Variants in SCARA5 observed in about 807,000 individuals in gnomAD.
The protein encoded by SCARA5 is scavenger receptor class A, member 5 (putative).
Under a neutral mutation model 46.3 loss-of-function variants are expected in SCARA5, and 45 were observed. The ratio of observed to expected loss-of-function variants is 0.97; its 90% CI spans 0.76 to 1.24. SCARA5 has a LOEUF of 1.24. Among genes scored for constraint, SCARA5 ranks in the 50% most tolerant of loss-of-function variants. The pLI is 0.00. For synonymous variants in SCARA5, 333 were observed against 306.5 expected, an observed-to-expected ratio of 1.09 and a Z score of -0.90; for missense variants, 680 against 689.0, an observed-to-expected ratio of 0.99 and a Z score of 0.15.
intron 7 of SCARA5, among the ~76,000 whole-genome samples, chr8:27,898,507 G>A (rs929593408): frequency 2.0e-5 from 3 of 152,226 alleles, no homozygotes; most frequent in Admixed American, 2.0e-4. Context: ...GATATAATAA[G>A]AAGTATTTGG....
Position 27,921,719 on chromosome 8 carries a change from G to A in SCARA5, c.768C>T (p.Ser256=), listed in dbSNP as rs749809667. The change falls in exon 4 of 9, where the codon AGC becomes AGT. Residue 256 remains serine (S), a synonymous_variant. Transcript: ENST00000354914. Reference sequence around the variant, plus strand: ...CCAGGCGCAGGCGGCGCGTGTCCTCGCTGGCGTTGCTCACCAGCACCCGCA... The same window carrying A: ...CCAGGCGCAGGCGGCGCGTGTCCTCACTGGCGTTGCTCACCAGCACCCGCA... The part of the protein sequence containing the change: ...QDLRVLVSNA[S]EDTRRLRLAH... 7 of 1,593,902 alleles carry A rather than the reference G, an allele frequency of 4.4e-6. No individual in the cohort carries two copies. The highest frequency in any genetic ancestry group is 1.3e-5 in the African/African-American group (1 of 74,668).
At chr8:27,951,793 C>A (rs1475129627) in intron 3 of SCARA5, among the ~76,000 whole-genome samples, 2 of 152,200 alleles carry the variant, frequency 1.3e-5, no homozygotes, top group Non-Finnish European at 2.9e-5. Context: ...TTCCTTTCAA[C>A]ATTTTTCACG....
chr8:27,953,321 C>T (rs1018565966), intron 3 of SCARA5, among the ~76,000 whole-genome samples: 7 of 152,218 alleles, frequency 4.6e-5, no homozygotes, highest in Admixed American at 3.9e-4. Flanking sequence ...GGTGGGCCAC[C>T]CACTGGGGCC....
Position 27,870,788 on chromosome 8 carries a change from C to T in SCARA5, c.*1146G>A, listed in dbSNP as rs1421292250. 1 of 152,242 alleles carries T rather than the reference C, an allele frequency of 6.6e-6. No homozygotes were observed. The highest frequency in any genetic ancestry group is 2.4e-5 in the African/African-American group (1 of 41,458). The allele number at this position is 152,242 out of a possible 1,614,324, so 9.4% of individuals were successfully genotyped here. On this transcript the variant is annotated 3_prime_UTR_variant, in exon 9 of 9. Transcript: ENST00000354914. Reference sequence around the variant, plus strand: ...TATAGGGAATCTTCATTTCCTTCCCCCCTAAGGGTTCCATTAGGACTTGTG... The same window carrying T: ...TATAGGGAATCTTCATTTCCTTCCCTCCTAAGGGTTCCATTAGGACTTGTG...
At chr8:27,896,113 G>C (rs1387900063) in intron 7 of SCARA5, among the ~76,000 whole-genome samples, 2 of 152,176 alleles carry the variant, frequency 1.3e-5, no homozygotes, top group Non-Finnish European at 2.9e-5. Context: ...AGGGCAGTGA[G>C]AGGTCAGAGT....
intron 3 of SCARA5, among the ~76,000 whole-genome samples, chr8:27,949,015 T>C (rs1449514116): frequency 1.3e-5 from 2 of 152,262 alleles, no homozygotes; most frequent in Non-Finnish European, 1.5e-5. Context: ...GGCTTGGTGC[T>C]AGTATTCTTT....
chr8:27,981,711 G>A (rs1478193797), intron 2 of SCARA5, among the ~76,000 whole-genome samples: 4 of 152,260 alleles, frequency 2.6e-5, no homozygotes, highest in Non-Finnish European at 5.9e-5. Context: ...CCATCTTATA[G>A]AGGGACAGCC....
chr8:27,946,540 G>A (rs767807182), intron 3 of SCARA5, among the ~76,000 whole-genome samples: 1 of 152,214 alleles, frequency 6.6e-6, no homozygotes, highest in Non-Finnish European at 1.5e-5. Context: ...GCCTTCCTGA[G>A]AGAAAGTAAC....
At chr8:27,921,374 A>T (rs957626575) in intron 4 of SCARA5, among the ~76,000 whole-genome samples, 197 bp downstream of exon 4, 2 of 151,124 alleles carry the variant, frequency 1.3e-5, no homozygotes, top group Non-Finnish European at 3.0e-5. Flanking sequence ...CAAGCCCTGG[A>T]TGTGGGTACA....
intron 7 of SCARA5, among the ~76,000 whole-genome samples, chr8:27,883,613 G>T (rs1408436844): frequency 6.6e-6 from 1 of 152,146 alleles, no homozygotes; most frequent in Non-Finnish European, 1.5e-5. Flanking sequence ...TTGGTTTGTG[G>T]GCTGTGGACT....
chr8:27,973,830 G>GA (rs1808482323), intron 2 of SCARA5, among the ~76,000 whole-genome samples: 1 of 152,094 alleles, frequency 6.6e-6, no homozygotes, highest in African/African-American at 2.4e-5. Context: ...CTTATGGGGT[G>GA]AAAAAAATTC....
chr8:27,899,184 C>A lies in SCARA5; in HGVS notation c.1153+5594G>T, dbSNP rs1412823428. On this transcript the variant is annotated intron_variant, in intron 7 of 8. Coordinates refer to ENST00000354914, the MANE Select transcript of SCARA5 (RefSeq NM_173833.6). ...AGATTTCATCTGAAGTCAGGGGCAGCCTGTGGGACTGAGCCCTTACCCTGT... is the reference window on the plus strand; with the variant it reads ...AGATTTCATCTGAAGTCAGGGGCAGACTGTGGGACTGAGCCCTTACCCTGT... 2.0e-5 allele frequency among the ~76,000 whole-genome samples: 3 copies of A among 152,234 alleles called. No homozygotes were observed. The East Asian group carries it at 5.8e-4, about 29-fold the overall frequency.
intron 3 of SCARA5, among the ~76,000 whole-genome samples, chr8:27,938,355 T>TAA (rs35611304): frequency 1.5e-3 from 225 of 151,466 alleles, no homozygotes; most frequent in African/African-American, 4.5e-3. Context: ...GTAACTATAA[T>TAA]AAAAAAAAAT....
chr8:27,980,930 G>A (rs1474923939), intron 2 of SCARA5, among the ~76,000 whole-genome samples: 4 of 152,266 alleles, frequency 2.6e-5, no homozygotes, highest in Non-Finnish European at 4.4e-5. Flanking sequence ...TCCAGGCCAG[G>A]GTCCCTGAGA....
chr8:27,992,218 A>G (rs1051146811), intron 1 of SCARA5, 39 bp downstream of exon 1: 1 of 152,336 alleles, frequency 6.6e-6, no homozygotes, highest in African/African-American at 2.4e-5. Flanking sequence ...TTGAGACAGC[A>G]TGCCCAGGAG....
At chr8:27,953,830 AC>A in intron 3 of SCARA5, among the ~76,000 whole-genome samples, 1 of 152,192 alleles carries the variant, frequency 6.6e-6, no homozygotes, top group Non-Finnish European at 1.5e-5. Context: ...GTGAGTTTAC[AC>A]CCAAAAAAGG....
intron 1 of SCARA5, among the ~76,000 whole-genome samples, chr8:27,991,094 A>G (rs1319632911): frequency 1.3e-5 from 2 of 152,236 alleles, no homozygotes; most frequent in Non-Finnish European, 2.9e-5. Flanking sequence ...TGCAGGGAAC[A>G]CAGAAGCCAA....
chr8:27,987,272 T>C (rs935157191), intron 2 of SCARA5, among the ~76,000 whole-genome samples: 7 of 152,234 alleles, frequency 4.6e-5, no homozygotes, highest in African/African-American at 1.4e-4. Flanking sequence ...TGATGGACTG[T>C]GAAATCTGTC....
intron 7 of SCARA5, among the ~76,000 whole-genome samples, chr8:27,896,042 T>G (rs1021853921): frequency 6.6e-6 from 1 of 152,234 alleles, no homozygotes; most frequent in Non-Finnish European, 1.5e-5. Context: ...TGTAGGAATT[T>G]CCTGGGTGGC....
Sources: gnomAD v4.1 joint callset for allele counts (sites outside exome capture counted in the v4.1 genomes callset) on GRCh38, gnomAD v4.1.1 for gene constraint, MANE v1.5 for transcripts, NCBI Gene and HGNC (gene_info 2026-07-23, HGNC 2026-07-21) for gene names.